The following DCC variants were observed in gnomAD, a reference collection of about 807,000 sequenced individuals.
The protein encoded by DCC is netrin receptor DCC.
DCC carries 58 observed loss-of-function variants against 172.5 expected under a neutral mutation model. That is an observed-to-expected ratio of 0.34 (90% confidence interval 0.27 to 0.42). The LOEUF (loss-of-function observed/expected upper bound fraction) is 0.42, where lower values mean the gene tolerates loss of function less well. Ranked by LOEUF, DCC falls within the 10% of genes least tolerant of loss-of-function variation. The pLI is 1.00. For missense variants in DCC, 1,740 were observed against 1,791.0 expected (o/e 0.97, Z 0.51); for synonymous variants, 709 against 644.5 (o/e 1.10, Z -1.52).
intron 5 of DCC, among the ~76,000 whole-genome samples, chr18:53,022,500 GATAC>G (rs1599036834): frequency 6.6e-6 from 1 of 150,788 alleles, no homozygotes; most frequent in African/African-American, 2.4e-5. Context: ...CACTAAAAAA[GATAC>G]ATACATATAT....
intron 12 of DCC, among the ~76,000 whole-genome samples, chr18:53,219,895 T>C (rs1036198109): frequency 6.6e-6 from 1 of 152,160 alleles, no homozygotes; most frequent in Non-Finnish European, 1.5e-5. Flanking sequence ...ACATTCTTTG[T>C]GTGTGTTTGT....
chr18:53,366,656 C>T (rs2058007759), intron 15 of DCC, among the ~76,000 whole-genome samples: 1 of 152,154 alleles, frequency 6.6e-6, no homozygotes, highest in South Asian at 2.1e-4. Flanking sequence ...TTGATTTCCT[C>T]CAAAAGCAAT....
chr18:52,740,262 A>G (rs2036798853), intron 1 of DCC, among the ~76,000 whole-genome samples: 1 of 152,134 alleles, frequency 6.6e-6, no homozygotes. Context: ...TCCTTTAATA[A>G]ATGCTGACCT....
chr18:52,615,135 G>A (rs985077767), intron 1 of DCC, among the ~76,000 whole-genome samples: 1 of 152,136 alleles, frequency 6.6e-6, no homozygotes. Flanking sequence ...TTGAGTAAAA[G>A]CATCATTTTC....
At chr18:52,564,672 G>C (rs974850049) in intron 1 of DCC, among the ~76,000 whole-genome samples, 43 of 143,518 alleles carry the variant, frequency 3.0e-4, no homozygotes, top group Non-Finnish European at 4.9e-4. Context: ...AATATTGGGG[G>C]GGGGGGTGTT....
chr18:52,776,093 T>C (rs983475109), intron 2 of DCC, among the ~76,000 whole-genome samples: 1 of 152,196 alleles, frequency 6.6e-6, no homozygotes, highest in African/African-American at 2.4e-5. Context: ...TCACACTTAA[T>C]ATAAATTTAC....
intron 1 of DCC, among the ~76,000 whole-genome samples, chr18:52,483,141 C>T (rs73955698): frequency 0.057 from 8,728 of 152,038 alleles, 310 homozygotes; most frequent in South Asian, 0.12. Flanking sequence ...TGTATCTCTG[C>T]GAAATCCGCC....
At chr18:52,683,468 C>T (rs2035781430) in intron 1 of DCC, among the ~76,000 whole-genome samples, 1 of 152,058 alleles carries the variant, frequency 6.6e-6, no homozygotes, top group Admixed American at 6.6e-5. Flanking sequence ...ATTTATTTTT[C>T]ACTTTAGATA....
At chr18:52,784,255 C>CT (rs1555661388) in intron 2 of DCC, among the ~76,000 whole-genome samples, 1 of 151,970 alleles carries the variant, frequency 6.6e-6, no homozygotes, top group African/African-American at 2.4e-5. Context: ...AACAGAATTT[C>CT]TTTTTTATAG....
At chr18:53,439,959 G>T (rs1912169560) in intron 22 of DCC, among the ~76,000 whole-genome samples, 2 of 151,006 alleles carry the variant, frequency 1.3e-5, no homozygotes, top group South Asian at 4.2e-4. Context: ...TAGAGACGGG[G>T]TTTCACCGTT....
chr18:52,887,114 G>T (rs532629299), intron 2 of DCC, among the ~76,000 whole-genome samples: 1 of 152,300 alleles, frequency 6.6e-6, no homozygotes, highest in South Asian at 2.1e-4. Flanking sequence ...TGAAAGGCAA[G>T]ATTTCAAGTC....
At chr18:53,504,560 T>TAACA (rs2046145948) in intron 27 of DCC, among the ~76,000 whole-genome samples, 1 of 152,172 alleles carries the variant, frequency 6.6e-6, no homozygotes, top group South Asian at 2.1e-4. Context: ...TCCTCACTCC[T>TAACA]AACAGAATTA....
intron 27 of DCC, among the ~76,000 whole-genome samples, chr18:53,515,970 A>G (rs2046328862): frequency 6.6e-6 from 1 of 151,238 alleles, no homozygotes; most frequent in Non-Finnish European, 1.5e-5. Flanking sequence ...ATATGGAACC[A>G]AAAAAGAGCC....
intron 18 of DCC, among the ~76,000 whole-genome samples, chr18:53,401,880 T>C (rs1378116522): frequency 1.3e-5 from 2 of 152,194 alleles, no homozygotes; most frequent in African/African-American, 4.8e-5. Context: ...CACCTTTAAA[T>C]ATTTAAAATT....
chr18:53,159,008 A>AAAAAAAAAAAAAAAAAAAAAAAAAAAAG lies in DCC; in HGVS notation c.1418+1496_1418+1497insAAAAAAAAAAAAAAAAAAAAAAAAAAAG, dbSNP rs34406723. ...CATCTCAAAAAAAAAAAAAAAAAGAAGAAGATGTAGGCATACCCATATTGC... is the reference window on the plus strand; with the variant it reads ...CATCTCAAAAAAAAAAAAAAAAAGAAAAAAAAAAAAAAAAAAAAAAAAAAAAAGGAAGATGTAGGCATACCCATATTGC... On this transcript the variant is annotated intron_variant, in intron 8 of 28. Transcript: ENST00000442544. 1.9e-4 allele frequency among the ~76,000 whole-genome samples: 23 copies of AAAAAAAAAAAAAAAAAAAAAAAAAAAAG among 119,170 alleles called. 2 individuals carry two copies. Among genetic ancestry groups the AAAAAAAAAAAAAAAAAAAAAAAAAAAAG allele is most frequent in the African/African-American group, 7.2e-4 (22 of 30,654 alleles). 78.2% of individuals were successfully genotyped at this position (119,170 alleles called of 152,430 possible). A position where few individuals can be genotyped will look rare whatever the true frequency, so the allele number is the denominator to read the frequency against.
chr18:53,348,437 T>G (rs187572575), intron 15 of DCC, among the ~76,000 whole-genome samples: 1 of 152,298 alleles, frequency 6.6e-6, no homozygotes, highest in Non-Finnish European at 1.5e-5. Flanking sequence ...TCCTGGCTGC[T>G]TTTATAGGCT....
At chr18:52,537,218 C>T (rs1478568204) in intron 1 of DCC, among the ~76,000 whole-genome samples, 1 of 152,066 alleles carries the variant, frequency 6.6e-6, no homozygotes, top group Non-Finnish European at 1.5e-5. Context: ...TGTGCTTTTG[C>T]TTCAGGAAAT....
intron 5 of DCC, among the ~76,000 whole-genome samples, chr18:52,960,908 G>A (rs2040831920): frequency 6.6e-6 from 1 of 152,046 alleles, no homozygotes; most frequent in African/African-American, 2.4e-5. Flanking sequence ...TATTTTTGTA[G>A]TAAGACTAAA....
intron 2 of DCC, among the ~76,000 whole-genome samples, chr18:52,868,065 G>A (rs1174584598): frequency 1.4e-5 from 2 of 148,028 alleles, no homozygotes; most frequent in Non-Finnish European, 3.0e-5. Flanking sequence ...GTGTGTGTGT[G>A]TGTGTGTGTG....
Sources: allele counts gnomAD v4.1 joint callset (sites outside exome capture counted in the v4.1 genomes callset), GRCh38; gene constraint gnomAD v4.1.1; transcripts MANE v1.5; gene names NCBI Gene and HGNC (gene_info 2026-07-23, HGNC 2026-07-21).